The following STK39 variants were observed in gnomAD, a reference collection of about 807,000 sequenced individuals.
STK39 encodes serine/threonine kinase 39, also known as STE20/SPS1-related proline-alanine-rich protein kinase.
STK39 carries 20 observed loss-of-function variants against 77.8 expected under a neutral mutation model. That is an observed-to-expected ratio of 0.26 (90% CI 0.18 to 0.37). The LOEUF is 0.37. STK39 is among the 10% of genes least tolerant of loss of function. The pLI is 1.00. For synonymous variants in STK39, 246 were observed against 234.1 expected, an observed-to-expected ratio of 1.05 and a Z score of -0.47; for missense variants, 479 against 656.5, an observed-to-expected ratio of 0.73 and a Z score of 2.95.
At chr2:167,978,098 G>A (rs952172299) in intron 16 of STK39, among the ~76,000 whole-genome samples, 2 of 152,100 alleles carry the variant, frequency 1.3e-5, no homozygotes, top group South Asian at 2.1e-4. Context: ...CTGAGTGCAG[G>A]GTCTGCAAAA....
chr2:168,076,199 C>T (rs1686073411), intron 10 of STK39, among the ~76,000 whole-genome samples: 1 of 152,202 alleles, frequency 6.6e-6, no homozygotes, highest in African/African-American at 2.4e-5. Flanking sequence ...CCAACCTCTT[C>T]ATTTTACAGA....
chr2:168,089,888 C>T (rs1050846532), intron 10 of STK39, among the ~76,000 whole-genome samples: 5 of 152,144 alleles, frequency 3.3e-5, no homozygotes, highest in Non-Finnish European at 7.4e-5. Flanking sequence ...CATGAGCCAC[C>T]GCACCTGGTC....
At chr2:168,246,061 T>C (rs1010324810) in intron 1 of STK39, among the ~76,000 whole-genome samples, 3 of 152,176 alleles carry the variant, frequency 2.0e-5, no homozygotes, top group Admixed American at 2.0e-4. Flanking sequence ...CTGTTTTAAT[T>C]TTTTTAAAAG....
chr2:168,140,562 T>C, intron 6 of STK39, 87 bp downstream of exon 6: 1 of 1,233,332 alleles, frequency 8.1e-7, no homozygotes, highest in African/African-American at 1.5e-5. Flanking sequence ...TCTACTAAAA[T>C]GCTAGATACA....
rs745827285 is a variant in STK39 at position 168,103,332 on chromosome 2, A to G, written c.1089+26209T>C. 1.3e-3 allele frequency among the ~76,000 whole-genome samples: 198 copies of G among 152,180 alleles called. 1 individual carries two copies. Among genetic ancestry groups the G allele is most frequent in the Non-Finnish European group, 1.3e-3 (90 of 68,020 alleles). ...TTTGCATCTTTGTAAGCCATCTCGA[A>G]TCTTTTCTGAAATAGAGTAGTAAAG... On this transcript the variant is annotated intron_variant, in intron 10 of 17. Coordinates refer to ENST00000355999, the MANE Select transcript of STK39 (RefSeq NM_013233.3).
At chr2:168,050,214 G>A (rs1685358418) in intron 14 of STK39, among the ~76,000 whole-genome samples, 1 of 152,208 alleles carries the variant, frequency 6.6e-6, no homozygotes, top group Non-Finnish European at 1.5e-5. Context: ...AAGCCTGAAT[G>A]TTAGGAATGT....
intron 1 of STK39, among the ~76,000 whole-genome samples, chr2:168,246,535 G>C (rs1574592341): frequency 6.6e-6 from 1 of 152,332 alleles, no homozygotes; most frequent in Admixed American, 6.5e-5. Flanking sequence ...CGCTTTCCCC[G>C]GGGAGCCGGA....
chr2:168,076,721 C>CA (rs1364563452), intron 10 of STK39, among the ~76,000 whole-genome samples: 1 of 152,064 alleles, frequency 6.6e-6, no homozygotes, highest in East Asian at 1.9e-4. Context: ...CCCTACCCCC[C>CA]AAATTTTTCT....
rs112297674 is a variant in STK39, at chr2:168,002,753, A to G, written c.1498+9881T>C. 9.1e-3 allele frequency among the ~76,000 whole-genome samples: 1,380 copies of G among 152,292 alleles called. 19 individuals carry two copies. The highest frequency in any genetic ancestry group is 0.031 in the African/African-American group (1,301 of 41,550). On this transcript the variant is annotated intron_variant, in intron 16 of 17. Coordinates refer to ENST00000355999, the MANE Select transcript of STK39 (RefSeq NM_013233.3). The stretch of plus-strand genomic sequence containing the variant: ...TTCTTAAATAAATTGTTCTTAAATA[A>G]CTTCAAAAAATATATGTAACCCTTA...
At chr2:168,168,577 T>A (rs1688744042) in intron 2 of STK39, among the ~76,000 whole-genome samples, 1 of 152,234 alleles carries the variant, frequency 6.6e-6, no homozygotes, top group Admixed American at 6.5e-5. Flanking sequence ...TTGGACGTTA[T>A]CTTTGCTTGT....
At chr2:167,983,198 G>A (rs1430785302) in intron 16 of STK39, among the ~76,000 whole-genome samples, 1 of 152,134 alleles carries the variant, frequency 6.6e-6, no homozygotes. Flanking sequence ...GTAGGAAATA[G>A]GCCAGGTGCG....
chr2:168,076,622 T>C lies in STK39; in HGVS notation c.1090-1391A>G, dbSNP rs189623668. Among the ~76,000 whole-genome samples, 599 of 152,304 alleles carry C rather than the reference T, an allele frequency of 3.9e-3. 6 individuals are homozygous for C. Among genetic ancestry groups the C allele is most frequent in the African/African-American group, 0.013 (545 of 41,572 alleles). ...GGTCTAGAAGATTTGAGCTCCAACA[T>C]AGAAAGTCAGCAAGAAAGTACAAAG... On this transcript the variant is annotated intron_variant, in intron 10 of 17. Coordinates refer to ENST00000355999, the MANE Select transcript of STK39 (RefSeq NM_013233.3).
At chr2:167,965,105 AG>A (rs1692113358) in intron 16 of STK39, among the ~76,000 whole-genome samples, 1 of 150,150 alleles carries the variant, frequency 6.7e-6, no homozygotes, top group Non-Finnish European at 1.5e-5. Flanking sequence ...TACAAAACAA[AG>A]AGGAGAGGTA....
intron 16 of STK39, among the ~76,000 whole-genome samples, chr2:167,984,963 T>C (rs369498462): frequency 6.6e-6 from 1 of 152,296 alleles, no homozygotes; most frequent in South Asian, 2.1e-4. Flanking sequence ...AAAAAACTAA[T>C]GAAGTACATT....
intron 1 of STK39, among the ~76,000 whole-genome samples, chr2:168,234,630 AC>A (rs1176039720): frequency 6.6e-6 from 1 of 152,202 alleles, no homozygotes; most frequent in Non-Finnish European, 1.5e-5. Context: ...ACAGATTATA[AC>A]CAAAGATTAA....
intron 5 of STK39, among the ~76,000 whole-genome samples, chr2:168,148,457 A>C (rs1275546621): frequency 6.6e-6 from 1 of 152,160 alleles, no homozygotes; most frequent in Non-Finnish European, 1.5e-5. Flanking sequence ...GGATAACTTA[A>C]GTCTTCCAGG....
chr2:168,054,625 C>G (rs553806147), intron 14 of STK39, among the ~76,000 whole-genome samples: 1 of 152,144 alleles, frequency 6.6e-6, no homozygotes. Context: ...TTGGTACCCA[C>G]GTAATAACAT....
chr2:167,996,033 T>G (rs1288158597), intron 16 of STK39, among the ~76,000 whole-genome samples: 1 of 151,640 alleles, frequency 6.6e-6, no homozygotes, highest in Non-Finnish European at 1.5e-5. Flanking sequence ...CACTGGGCCC[T>G]GCAAATTATG....
intron 3 of STK39, among the ~76,000 whole-genome samples, chr2:168,165,884 C>T (rs1271854982): frequency 6.6e-6 from 1 of 152,132 alleles, no homozygotes; most frequent in East Asian, 1.9e-4. Context: ...GTTGTCCAGG[C>T]ACAGCAAAAT....
Sources: allele counts gnomAD v4.1 joint callset (sites outside exome capture counted in the v4.1 genomes callset), GRCh38; gene constraint gnomAD v4.1.1; transcripts MANE v1.5; gene names NCBI Gene and HGNC (gene_info 2026-07-23, HGNC 2026-07-21).